ZNF277: variants seen among roughly 807,000 people sequenced by gnomAD.
ZNF277 encodes nuclear receptor-interacting factor 4.
A neutral mutation model predicts 60.7 loss-of-function variants in ZNF277; 55 were observed. That is an observed-to-expected ratio of 0.91 (90% confidence interval 0.73 to 1.13). The LOEUF (loss-of-function observed/expected upper bound fraction) is 1.13, where lower values mean the gene tolerates loss of function less well. ZNF277 is among the 50% of genes most tolerant of loss of function. The probability of loss-of-function intolerance (pLI) is 0.00; values close to 1 mark genes in which losing one functional copy is unlikely to be tolerated. For synonymous variants in ZNF277, 178 were observed against 179.3 expected (o/e 0.99, Z 0.06); for missense variants, 510 against 523.0 (o/e 0.98, Z 0.24).
At chr7:112,246,124 C>T (rs1383216533) in intron 1 of ZNF277, among the ~76,000 whole-genome samples, 1 of 152,092 alleles carries the variant, frequency 6.6e-6, no homozygotes, top group Non-Finnish European at 1.5e-5. Flanking sequence ...TGGCTCATAC[C>T]TGTAATCTTA....
intron 4 of ZNF277, among the ~76,000 whole-genome samples, chr7:112,308,969 T>TA (rs1792661907): frequency 6.6e-6 from 1 of 152,042 alleles, no homozygotes; most frequent in Non-Finnish European, 1.5e-5. Flanking sequence ...GACTTAGCAA[T>TA]ATCTATTTGT....
chr7:112,270,229 G>A (rs963128729), intron 1 of ZNF277, among the ~76,000 whole-genome samples: 2 of 152,046 alleles, frequency 1.3e-5, no homozygotes, highest in Non-Finnish European at 2.9e-5. Flanking sequence ...CAAAATGTAG[G>A]TCCTTGGGGG....
At chr7:112,296,573 A>C (rs905356539) in intron 4 of ZNF277, among the ~76,000 whole-genome samples, 2 of 152,052 alleles carry the variant, frequency 1.3e-5, no homozygotes, top group African/African-American at 4.8e-5. Context: ...AACAGAACTT[A>C]CACATTTTAG....
chr7:112,289,810 C>T, intron 2 of ZNF277, among the ~76,000 whole-genome samples: 1 of 151,106 alleles, frequency 6.6e-6, no homozygotes, highest in Non-Finnish European at 1.5e-5. Context: ...GTACAACCTC[C>T]ACCTCCCTGG....
chr7:112,256,191 AT>A (rs1563205729), intron 1 of ZNF277, among the ~76,000 whole-genome samples: 1 of 152,144 alleles, frequency 6.6e-6, no homozygotes, highest in Non-Finnish European at 1.5e-5. Context: ...TTCCTAAATA[AT>A]TTTGATTTGA....
At chr7:112,264,661 T>C (rs1280971231) in intron 1 of ZNF277, among the ~76,000 whole-genome samples, 3 of 152,152 alleles carry the variant, frequency 2.0e-5, no homozygotes, top group African/African-American at 7.2e-5. Flanking sequence ...TATGTTGAAA[T>C]ATACAAGTAT....
At chr7:112,308,669 T>G (rs1792655083) in intron 4 of ZNF277, among the ~76,000 whole-genome samples, 1 of 152,122 alleles carries the variant, frequency 6.6e-6, no homozygotes, top group South Asian at 2.1e-4. Flanking sequence ...ATTAAATGAC[T>G]TTTCATGCAA....
intron 1 of ZNF277, among the ~76,000 whole-genome samples, chr7:112,245,302 A>C (rs1353289965): frequency 6.6e-6 from 1 of 152,210 alleles, no homozygotes; most frequent in Non-Finnish European, 1.5e-5. Context: ...GTGCTAGGGC[A>C]ACTGGGTAAA....
Position 112,295,953 on chromosome 7 carries a change from A to C in ZNF277, c.378A>C (p.Pro126=). Residue 126 remains proline (P), a synonymous_variant, in exon 3 of 12, where the codon CCA becomes CCC. Transcript: ENST00000361822. ...CSVIRINSTA[P]FEEQENYFLL... ...TAATAAGAATTAATTCCACTGCTCC[A>C]TTTGGTAAGTGTACATCTTGGCTAC... 6.2e-7 allele frequency: 1 copy of C among 1,608,800 alleles called. No individual in the cohort carries two copies.
intron 1 of ZNF277, among the ~76,000 whole-genome samples, chr7:112,248,784 A>G (rs1035600204): frequency 6.6e-6 from 1 of 152,136 alleles, no homozygotes; most frequent in African/African-American, 2.4e-5. Flanking sequence ...TTAACTATAC[A>G]TTCAAAAATG....
At chr7:112,245,756 A>G (rs1791069022) in intron 1 of ZNF277, among the ~76,000 whole-genome samples, 1 of 152,196 alleles carries the variant, frequency 6.6e-6, no homozygotes, top group South Asian at 2.1e-4. Flanking sequence ...TTGTAAGGAT[A>G]TCAGTCATAT....
intron 4 of ZNF277, among the ~76,000 whole-genome samples, chr7:112,313,610 A>C (rs966388732): frequency 3.9e-5 from 6 of 152,136 alleles, no homozygotes; most frequent in African/African-American, 1.4e-4. Context: ...TTTTGTAAAA[A>C]TTGTCTGTTG....
At position 112,257,895 on chromosome 7, in the gene ZNF277, C is replaced by T. The variant is rs542484236; in HGVS notation, c.92-28978C>T. On this transcript the variant is annotated intron_variant, in intron 1 of 11. Coordinates refer to ENST00000361822, the MANE Select transcript of ZNF277 (RefSeq NM_021994.3). ...GTGGCCCATTCGTAACTCACAGCAACCCCGAACTCCTAGGCTCAAGTGATC... is the reference window on the plus strand; with the variant it reads ...GTGGCCCATTCGTAACTCACAGCAATCCCGAACTCCTAGGCTCAAGTGATC... Among the ~76,000 whole-genome samples the T allele has an allele frequency of 8.6e-5, 13 of 152,018 alleles. No individual in the cohort carries two copies. The East Asian group carries it at 2.5e-3, about 29-fold the overall frequency.
intron 1 of ZNF277, among the ~76,000 whole-genome samples, chr7:112,244,333 C>A (rs186437543): frequency 2.6e-5 from 4 of 152,230 alleles, no homozygotes; most frequent in Admixed American, 6.5e-5. Context: ...AGATGTACTT[C>A]CTATGACAGT....
intron 1 of ZNF277, among the ~76,000 whole-genome samples, chr7:112,231,706 A>G (rs1822336119): frequency 6.6e-6 from 1 of 151,766 alleles, no homozygotes; most frequent in African/African-American, 2.4e-5. Context: ...AACATGAATG[A>G]TGTCTCCCTT....
chr7:112,263,327 A>G (rs956702631), intron 1 of ZNF277, among the ~76,000 whole-genome samples: 1 of 152,212 alleles, frequency 6.6e-6, no homozygotes, highest in Non-Finnish European at 1.5e-5. Flanking sequence ...GCTGTTGCCA[A>G]TGATTCAGAA....
At position 112,318,971 on chromosome 7, in the gene ZNF277, A is replaced by C. The variant is rs10253368; in HGVS notation, c.557+698A>C. Among the ~76,000 whole-genome samples the C allele has an allele frequency of 7.3e-3, 1,113 of 152,204 alleles. 14 individuals carry two copies. Among genetic ancestry groups the C allele is most frequent in the African/African-American group, 0.025 (1,058 of 41,528 alleles). On this transcript the variant is annotated intron_variant, in intron 5 of 11. Transcript: ENST00000361822. ...TTTTACTATAAAGGATACAGATTAG[A>C]AACAGCCAAATGAAGAGACAAATTG...
chr7:112,327,545 T>A (rs889097479), intron 5 of ZNF277, among the ~76,000 whole-genome samples, 172 bp from the exon 6 acceptor site: 1 of 152,238 alleles, frequency 6.6e-6, no homozygotes, highest in Non-Finnish European at 1.5e-5. Context: ...GATGTGACTG[T>A]GTACACTTAC....
intron 4 of ZNF277, among the ~76,000 whole-genome samples, chr7:112,311,739 A>C (rs1028166842): frequency 6.6e-6 from 1 of 152,098 alleles, no homozygotes; most frequent in African/African-American, 2.4e-5. Context: ...GGAGAAAAGG[A>C]GGAAGGGAAG....
Sources: gnomAD v4.1 joint callset for allele counts (sites outside exome capture counted in the v4.1 genomes callset) on GRCh38, gnomAD v4.1.1 for gene constraint, MANE v1.5 for transcripts, NCBI Gene and HGNC (gene_info 2026-07-23, HGNC 2026-07-21) for gene names.